Variants in PLXNA4 observed in about 807,000 individuals in gnomAD.
PLXNA4 encodes plexin-A4.
PLXNA4 carries 44 observed loss-of-function variants against 191.8 expected under a neutral mutation model. The observed-to-expected ratio is 0.23, with a 90% CI of 0.18 to 0.29. PLXNA4 has a LOEUF of 0.29. Ranked by LOEUF, PLXNA4 falls within the 10% of genes least tolerant of loss-of-function variation. The probability of loss-of-function intolerance (pLI) is 1.00; values close to 1 mark genes in which losing one functional copy is unlikely to be tolerated. For synonymous variants in PLXNA4, 1,082 were observed against 1,009.5 expected, an observed-to-expected ratio of 1.07 and a Z score of -1.36; for missense variants, 1,800 against 2,488.8, an observed-to-expected ratio of 0.72 and a Z score of 5.89.
chr7:132,187,889 G>A (rs886899836), intron 14 of PLXNA4, among the ~76,000 whole-genome samples: 2 of 151,854 alleles, frequency 1.3e-5, no homozygotes, highest in African/African-American at 2.4e-5. Flanking sequence ...ACATGTATGT[G>A]TATATATCCC....
At chr7:132,519,735 C>T (rs1799097945) in intron 1 of PLXNA4, among the ~76,000 whole-genome samples, 1 of 152,200 alleles carries the variant, frequency 6.6e-6, no homozygotes, top group African/African-American at 2.4e-5. Flanking sequence ...GTTTTTGGCT[C>T]ACAGCCAGTC....
In PLXNA4 at chr7:132,395,478, A is replaced by T. The variant is rs1420909735; in HGVS notation, c.1371+93814T>A. On this transcript the variant is annotated intron_variant, in intron 3 of 31. Coordinates refer to ENST00000321063, the MANE Select transcript of PLXNA4 (RefSeq NM_020911.2). Reference sequence around the variant, plus strand: ...GTCGGCCAGATAAATTTGATGATGCAGCACTGAGTGGGGGCACAAAGTCCT... The same window carrying T: ...GTCGGCCAGATAAATTTGATGATGCTGCACTGAGTGGGGGCACAAAGTCCT... 2.0e-5 allele frequency among the ~76,000 whole-genome samples: 3 copies of T among 152,230 alleles called. No individual in the cohort carries two copies. In the East Asian group the frequency reaches 5.8e-4, roughly 29 times the overall value.
Position 132,179,591 on chromosome 7 carries a change from A to AT in PLXNA4, c.3874+95dup. On this transcript the variant is annotated intron_variant, in intron 20 of 31. Transcript: ENST00000321063. ...ACTGCTGCCCAGCCTGCTTGTTTGT[A>AT]TATGAAACATATGCATACACATACA... is the stretch of plus-strand genomic sequence containing the variant. 4 of 1,506,432 alleles carry AT rather than the reference A, an allele frequency of 2.7e-6. No homozygotes were observed. In the South Asian group the frequency reaches 5.2e-5, roughly 20 times the overall value. The allele number at this position is 1,506,432 out of a possible 1,614,324, so 93.3% of individuals were successfully genotyped here.
At chr7:132,535,766 G>GA (rs542727128) in intron 1 of PLXNA4, among the ~76,000 whole-genome samples, 1,221 of 97,922 alleles carry the variant, frequency 0.012, 20 homozygotes, top group South Asian at 0.12. Context: ...CCCGATGATT[G>GA]AAAAATCAAG....
intron 3 of PLXNA4, among the ~76,000 whole-genome samples, chr7:132,456,860 G>A (rs954404312): frequency 2.0e-5 from 3 of 152,146 alleles, no homozygotes; most frequent in East Asian, 1.9e-4. Flanking sequence ...AGAGATAACC[G>A]ACACCATCTG....
intron 1 of PLXNA4, among the ~76,000 whole-genome samples, chr7:132,544,062 T>C (rs898110443): frequency 2.0e-5 from 3 of 152,172 alleles, no homozygotes; most frequent in Non-Finnish European, 4.4e-5. Context: ...ATGATATGAT[T>C]TGCCCATTAA....
intron 3 of PLXNA4, among the ~76,000 whole-genome samples, chr7:132,477,478 C>T (rs921380225): frequency 6.6e-6 from 1 of 152,184 alleles, no homozygotes; most frequent in African/African-American, 2.4e-5. Flanking sequence ...AGGGCTGCAG[C>T]CAGCCCAGGG....
intron 3 of PLXNA4, among the ~76,000 whole-genome samples, chr7:132,414,810 G>A (rs1794601594): frequency 1.3e-5 from 2 of 152,148 alleles, no homozygotes; most frequent in South Asian, 4.2e-4. Context: ...TGGAAACATG[G>A]CACCCACACG....
chr7:132,214,699 C>T (rs1797910902), intron 9 of PLXNA4, among the ~76,000 whole-genome samples: 1 of 152,136 alleles, frequency 6.6e-6, no homozygotes, highest in African/African-American at 2.4e-5. Context: ...GTTTCATGGC[C>T]CAGGGACTCA....
chr7:132,368,872 C>A (rs1804307050), intron 3 of PLXNA4, among the ~76,000 whole-genome samples: 1 of 152,176 alleles, frequency 6.6e-6, no homozygotes. Context: ...ACCTTGGGAA[C>A]CCACATTGCA....
chr7:132,425,628 G>C (rs555585458), intron 3 of PLXNA4, among the ~76,000 whole-genome samples: 6 of 152,108 alleles, frequency 3.9e-5, no homozygotes, highest in Admixed American at 3.9e-4. Context: ...AGGCAGGCAG[G>C]CAGACAGGGC....
intron 4 of PLXNA4, among the ~76,000 whole-genome samples, chr7:132,246,056 T>G (rs772378924): frequency 3.9e-5 from 6 of 152,226 alleles, no homozygotes; most frequent in Admixed American, 1.3e-4. Flanking sequence ...AAATGCACAC[T>G]TAGAAATAAT....
In PLXNA4 at chr7:132,133,207, G is replaced by A. The variant is rs936445895; in HGVS notation, c.5439-8C>T. Reference sequence around the variant, plus strand: ...CCTATGTCTGAGTAATACCTGTGGAGGGATGGAAATAGGGAGAAGCTGAAG... The same window carrying A: ...CCTATGTCTGAGTAATACCTGTGGAAGGATGGAAATAGGGAGAAGCTGAAG... On this transcript the variant is annotated splice_region_variant and splice_polypyrimidine_tract_variant and intron_variant, in intron 30 of 31. Coordinates refer to ENST00000321063, the MANE Select transcript of PLXNA4 (RefSeq NM_020911.2). 3.1e-6 allele frequency: 5 copies of A among 1,613,854 alleles called. No individual in the cohort carries two copies. In the Middle Eastern group the frequency reaches 5.0e-4, roughly 160 times the overall value.
intron 4 of PLXNA4, among the ~76,000 whole-genome samples, chr7:132,295,914 A>G (rs963651470): frequency 6.6e-6 from 1 of 152,236 alleles, no homozygotes; most frequent in Non-Finnish European, 1.5e-5. Context: ...TATTATTGTC[A>G]CCAACATAGG....
chr7:132,476,045 G>T (rs1277839147), intron 3 of PLXNA4, among the ~76,000 whole-genome samples: 1 of 152,190 alleles, frequency 6.6e-6, no homozygotes, highest in Non-Finnish European at 1.5e-5. Context: ...TCCTATGCTT[G>T]CATGTGTGGG....
At chr7:132,630,681 T>A (rs1227271930) in intron 2 of PLXNA4, among the ~76,000 whole-genome samples, 1 of 152,046 alleles carries the variant, frequency 6.6e-6, no homozygotes, top group Non-Finnish European at 1.5e-5. Context: ...CCGGCTAATT[T>A]TTTGTATTTT....
intron 3 of PLXNA4, among the ~76,000 whole-genome samples, chr7:132,332,569 C>T (rs754863460): frequency 6.6e-6 from 1 of 152,078 alleles, no homozygotes; most frequent in Non-Finnish European, 1.5e-5. Context: ...ATTCCATGGG[C>T]TGGGCGTGGT....
At chr7:132,535,326 A>G (rs1799788859) in intron 1 of PLXNA4, among the ~76,000 whole-genome samples, 1 of 152,164 alleles carries the variant, frequency 6.6e-6, no homozygotes, top group African/African-American at 2.4e-5. Context: ...GTCATTCCCC[A>G]ACTTTGTTGA....
chr7:132,188,397 T>C (rs1009039671), intron 14 of PLXNA4, among the ~76,000 whole-genome samples: 6 of 152,174 alleles, frequency 3.9e-5, no homozygotes, highest in Non-Finnish European at 7.3e-5. Flanking sequence ...TGCATTTAAA[T>C]GAAGATTTCT....
Sources: allele counts gnomAD v4.1 joint callset (sites outside exome capture counted in the v4.1 genomes callset), GRCh38; gene constraint gnomAD v4.1.1; transcripts MANE v1.5; gene names NCBI Gene and HGNC (gene_info 2026-07-23, HGNC 2026-07-21).